The following WDR27 variants were observed in gnomAD, a reference collection of about 807,000 sequenced individuals.
The protein encoded by WDR27 is WD repeat-containing protein 27.
Under a neutral mutation model 114.4 loss-of-function variants are expected in WDR27, and 100 were observed. The observed-to-expected ratio is 0.87, with a 90% CI of 0.74 to 1.03. The LOEUF is 1.03. WDR27 is among the 50% of genes least tolerant of loss of function. The pLI is 0.00. For synonymous variants in WDR27, 449 were observed against 423.1 expected, an observed-to-expected ratio of 1.06 and a Z score of -0.75; for missense variants, 1,129 against 1,092.9, an observed-to-expected ratio of 1.03 and a Z score of -0.47.
At chr6:169,562,897 G>A (rs1172577167) in intron 25 of WDR27, among the ~76,000 whole-genome samples, 1 of 152,140 alleles carries the variant, frequency 6.6e-6, no homozygotes, top group Non-Finnish European at 1.5e-5. Context: ...CAGGTGACAA[G>A]TCAGGAGGAG....
intron 25 of WDR27, among the ~76,000 whole-genome samples, chr6:169,488,159 C>T (rs139910217): frequency 9.9e-4 from 151 of 152,282 alleles, no homozygotes; most frequent in African/African-American, 3.6e-3. Flanking sequence ...GAGAGAAATC[C>T]ACAGCATTTA....
At chr6:169,680,881 G>A (rs1781352866) in intron 2 of WDR27, among the ~76,000 whole-genome samples, 2 of 152,174 alleles carry the variant, frequency 1.3e-5, no homozygotes, top group South Asian at 4.1e-4. Context: ...AAACACATAT[G>A]TGCTTAATAA....
intron 23 of WDR27, among the ~76,000 whole-genome samples, chr6:169,601,618 G>T (rs1807997008): frequency 6.6e-6 from 1 of 152,342 alleles, no homozygotes; most frequent in African/African-American, 2.4e-5. Context: ...GAACGCTGCA[G>T]CTGCAAGGCC....
In WDR27 at chr6:169,658,314, T is replaced by A. The variant is rs1369268165; in HGVS notation, c.1364A>T (p.Lys455Met). The change falls in exon 13 of 26, where the codon AAG (lysine) becomes ATG (methionine). Residue 455 changes from lysine to methionine, a missense_variant. Coordinates refer to ENST00000448612, the MANE Select transcript of WDR27 (RefSeq NM_182552.5). ...PTSPLYLGIAKEKSTKAASEQ... is the reference protein window; with the variant it reads ...PTSPLYLGIAMEKSTKAASEQ... Reference sequence around the variant, plus strand: ...ACTAGCAGCCTTGGTACTCTTCTCCTTGGCAATTCCCAGATACAGTGGAGA... The same window carrying A: ...ACTAGCAGCCTTGGTACTCTTCTCCATGGCAATTCCCAGATACAGTGGAGA... 8 of 1,602,286 alleles carry A rather than the reference T, an allele frequency of 5.0e-6. No individual in the cohort carries two copies. The highest frequency in any genetic ancestry group is 1.3e-5 in the African/African-American group (1 of 74,782).
chr6:169,682,329 C>T (rs1369942570), intron 2 of WDR27, among the ~76,000 whole-genome samples: 2 of 152,220 alleles, frequency 1.3e-5, no homozygotes, highest in Non-Finnish European at 2.9e-5. Flanking sequence ...TGTGCAGAGA[C>T]CTGCTGGGTG....
At chr6:169,625,085 A>G (rs1814459911) in intron 21 of WDR27, among the ~76,000 whole-genome samples, 1 of 152,234 alleles carries the variant, frequency 6.6e-6, no homozygotes, top group African/African-American at 2.4e-5. Flanking sequence ...ATGGAAAGCC[A>G]AAGGCTGAGT....
intron 7 of WDR27, 26 bp downstream of exon 7, chr6:169,665,460 G>A: frequency 6.2e-7 from 1 of 1,605,010 alleles, no homozygotes; most frequent in Non-Finnish European, 8.5e-7. Flanking sequence ...TCTGGGAACT[G>A]GAACTTAACT....
intron 13 of WDR27, among the ~76,000 whole-genome samples, chr6:169,654,154 C>T (rs1823376307): frequency 6.6e-6 from 1 of 152,192 alleles, no homozygotes; most frequent in Non-Finnish European, 1.5e-5. Context: ...AAAATATTAG[C>T]AAACCAAATT....
At chr6:169,439,568 A>C in the WDR27 span, among the ~76,000 whole-genome samples, 7 of 152,212 alleles carry the variant, frequency 4.6e-5, no homozygotes, top group Non-Finnish European at 8.8e-5. Flanking sequence ...AATGAAGAAC[A>C]AAATTTAATT....
At chr6:169,618,860 A>T (rs1220660891) in intron 21 of WDR27, among the ~76,000 whole-genome samples, 1 of 152,170 alleles carries the variant, frequency 6.6e-6, no homozygotes, top group African/African-American at 2.4e-5. Context: ...ACTGAACAAA[A>T]ATGTAAGATA....
downstream of WDR27, among the ~76,000 whole-genome samples, chr6:169,457,029 C>T (rs1333825228): frequency 6.6e-6 from 1 of 150,756 alleles, no homozygotes; most frequent in Non-Finnish European, 1.5e-5. Flanking sequence ...GCAGAACCCA[C>T]GAGCAGAGGC....
At chr6:169,505,929 C>T (rs1791947552) in intron 25 of WDR27, among the ~76,000 whole-genome samples, 1 of 152,220 alleles carries the variant, frequency 6.6e-6, no homozygotes, top group Admixed American at 6.5e-5. Context: ...TTCGGACACA[C>T]TGCACGCTGC....
Position 169,638,567 on chromosome 6 carries a change from G to A in WDR27, c.1841C>T (p.Ala614Val), listed in dbSNP as rs1443563213. Residue 614 changes from alanine (A) to valine (V), a missense_variant, in exon 18 of 26, where the codon GCT becomes GTT. Ala to Val is a moderately conservative substitution (Grantham distance 64). Transcript: ENST00000448612. ...ARDGTLRMWS[A>V]RGAELALLLG... ...AAGCAGTGCGAGCTCTGCCCCACGAGCCGACCACATTCGCAGGGTCCCGTC... is the reference window on the plus strand; with the variant it reads ...AAGCAGTGCGAGCTCTGCCCCACGAACCGACCACATTCGCAGGGTCCCGTC... The A allele has an allele frequency of 1.2e-6, 2 of 1,610,928 alleles. No individual in the cohort carries two copies. Among genetic ancestry groups the A allele is most frequent in the South Asian group, 2.2e-5 (2 of 90,414 alleles).
intron 25 of WDR27, among the ~76,000 whole-genome samples, chr6:169,547,389 C>A (rs115599965): frequency 1.3e-5 from 2 of 152,102 alleles, no homozygotes; most frequent in African/African-American, 4.8e-5. Context: ...CAACTAGAGA[C>A]TAATATTTCT....
At chr6:169,551,378 G>A (rs1798069037) in intron 25 of WDR27, among the ~76,000 whole-genome samples, 1 of 152,076 alleles carries the variant, frequency 6.6e-6, no homozygotes, top group Non-Finnish European at 1.5e-5. Flanking sequence ...TATCTCTCCT[G>A]ATTTACTCCA....
intron 22 of WDR27, among the ~76,000 whole-genome samples, chr6:169,609,577 T>C (rs1325958723): frequency 1.3e-5 from 2 of 152,168 alleles, no homozygotes; most frequent in South Asian, 2.1e-4. Flanking sequence ...GGGCACCAAG[T>C]CCCAGGCTGC....
intron 16 of WDR27, 138 bp downstream of exon 16, chr6:169,647,635 C>T (rs1821129299): frequency 1.2e-6 from 1 of 822,566 alleles, no homozygotes; most frequent in Non-Finnish European, 2.0e-6. Context: ...AGACACAAAC[C>T]ATGCCATGCA....
intron 25 of WDR27, among the ~76,000 whole-genome samples, chr6:169,470,338 GCACAT>G (rs1170992297): frequency 6.6e-6 from 1 of 152,146 alleles, no homozygotes; most frequent in Admixed American, 6.5e-5. Context: ...TCTGCAGCAT[GCACAT>G]CACAACTCCC....
chr6:169,654,872 C>G (rs376809187), intron 13 of WDR27, among the ~76,000 whole-genome samples: 1 of 152,292 alleles, frequency 6.6e-6, no homozygotes, highest in South Asian at 2.1e-4. Flanking sequence ...CAGAAGGAAG[C>G]GCGCACAGAG....
Sources: allele counts gnomAD v4.1 joint callset (sites outside exome capture counted in the v4.1 genomes callset), GRCh38; gene constraint gnomAD v4.1.1; transcripts MANE v1.5; gene names NCBI Gene and HGNC (gene_info 2026-07-23, HGNC 2026-07-21).